Variants in FRMD4B observed in about 807,000 individuals in gnomAD.
FRMD4B encodes the protein FERM domain containing 4B, also known as FERM domain-containing protein 4B.
A neutral mutation model predicts 141.5 loss-of-function variants in FRMD4B; 74 were observed. The observed-to-expected ratio is 0.52, with a 90% CI of 0.43 to 0.63. The LOEUF is 0.63. Ranked by LOEUF, FRMD4B falls within the 30% of genes least tolerant of loss-of-function variation. FRMD4B has a pLI of 0.00. For synonymous variants in FRMD4B, 506 were observed against 467.9 expected (o/e 1.08, Z -1.05); for missense variants, 1,366 against 1,253.4 (o/e 1.09, Z -1.36).
At chr3:69,443,601 G>C (rs933396886) in intron 1 of FRMD4B, among the ~76,000 whole-genome samples, 1 of 152,176 alleles carries the variant, frequency 6.6e-6, no homozygotes, top group Non-Finnish European at 1.5e-5. Context: ...CCCTTAACCT[G>C]TGAGGCCAAA....
intron 2 of FRMD4B, among the ~76,000 whole-genome samples, chr3:69,403,323 T>C (rs116775535): frequency 0.011 from 1,636 of 152,328 alleles, 24 homozygotes; most frequent in African/African-American, 0.037. Context: ...TCTCAACAAC[T>C]CAGAAGTATT....
intron 1 of FRMD4B, among the ~76,000 whole-genome samples, chr3:69,441,873 A>G (rs1705348785): frequency 6.6e-6 from 1 of 152,198 alleles, no homozygotes; most frequent in African/African-American, 2.4e-5. Context: ...AACTGCAGAA[A>G]TACTTACAAA....
At chr3:69,440,665 A>G (rs1191016772) in intron 1 of FRMD4B, among the ~76,000 whole-genome samples, 6 of 152,228 alleles carry the variant, frequency 3.9e-5, no homozygotes, top group Admixed American at 6.5e-5. Flanking sequence ...AAAATTAGCC[A>G]GGTGTGGTGA....
At chr3:69,380,934 C>A (rs1377740094) in intron 1 of FRMD4B, among the ~76,000 whole-genome samples, 1 of 152,182 alleles carries the variant, frequency 6.6e-6, no homozygotes, top group Non-Finnish European at 1.5e-5. Flanking sequence ...ATTCTGTCAT[C>A]ATTTTCCACC....
chr3:69,268,227 G>C (rs1201824352), intron 5 of FRMD4B, among the ~76,000 whole-genome samples: 1 of 151,984 alleles, frequency 6.6e-6, no homozygotes, highest in Non-Finnish European at 1.5e-5. Context: ...AAGTAAGGGA[G>C]TGAGTGTTTA....
intron 7 of FRMD4B, among the ~76,000 whole-genome samples, chr3:69,241,911 A>T (rs1348242315): frequency 6.6e-6 from 1 of 152,014 alleles, no homozygotes; most frequent in Non-Finnish European, 1.5e-5. Context: ...AAACCCCCAA[A>T]AAACAAAAAA....
intron 7 of FRMD4B, chr3:69,228,301 C>G (rs1436862676): frequency 6.6e-6 from 3 of 456,366 alleles, no homozygotes; most frequent in Admixed American, 4.7e-5. Flanking sequence ...CAGAATTTTT[C>G]TCTTATGTCA....
chr3:69,270,538 TCAAC>T (rs2093589232), intron 5 of FRMD4B, among the ~76,000 whole-genome samples: 1 of 151,996 alleles, frequency 6.6e-6, no homozygotes, highest in African/African-American at 2.4e-5. Flanking sequence ...TTTAAGGAGA[TCAAC>T]CAAGCATTTT....
At chr3:69,478,736 C>G (rs1188409712) in intron 1 of FRMD4B, among the ~76,000 whole-genome samples, 4 of 152,092 alleles carry the variant, frequency 2.6e-5, no homozygotes, top group Non-Finnish European at 4.4e-5. Context: ...TGGTGCAGAG[C>G]TGAGTTCAAT....
chr3:69,289,240 A>C (rs899176832), intron 4 of FRMD4B, among the ~76,000 whole-genome samples: 1 of 152,172 alleles, frequency 6.6e-6, no homozygotes, highest in Admixed American at 6.5e-5. Context: ...CAAATTATTT[A>C]GTTTCTTTGT....
At chr3:69,257,161 T>C (rs1005993692) in intron 5 of FRMD4B, among the ~76,000 whole-genome samples, 3 of 152,224 alleles carry the variant, frequency 2.0e-5, no homozygotes, top group African/African-American at 7.2e-5. Flanking sequence ...ATTCTTGGGT[T>C]AGGCTAGAAT....
At chr3:69,412,409 C>G (rs1704774763) in intron 2 of FRMD4B, among the ~76,000 whole-genome samples, 1 of 152,116 alleles carries the variant, frequency 6.6e-6, no homozygotes, top group Admixed American at 6.6e-5. Flanking sequence ...TTTTATTTTA[C>G]TGATTGCTAT....
chr3:69,227,157 C>T (rs575122469), intron 7 of FRMD4B, among the ~76,000 whole-genome samples: 2 of 152,176 alleles, frequency 1.3e-5, no homozygotes, highest in East Asian at 3.9e-4. Flanking sequence ...GAATCTACTC[C>T]AGTTATAAGA....
chr3:69,179,827 T>G (rs1261634930), intron 21 of FRMD4B, among the ~76,000 whole-genome samples: 9 of 152,190 alleles, frequency 5.9e-5, no homozygotes. Context: ...GAGCTCATCG[T>G]GGCCAGGAAC....
At chr3:69,291,908 CTCTTT>C (rs1470451771) in intron 4 of FRMD4B, among the ~76,000 whole-genome samples, 3 of 111,806 alleles carry the variant, frequency 2.7e-5, no homozygotes, top group African/African-American at 3.5e-5. Context: ...CTACAGGAAT[CTCTTT>C]TTTTTTTTTT....
At chr3:69,199,498 A>G (rs4350924) in intron 11 of FRMD4B, among the ~76,000 whole-genome samples, 148,240 of 152,356 alleles carry the variant, frequency 0.97, 72,243 homozygotes, top group East Asian at 1. Flanking sequence ...TCAAAAGAAT[A>G]CAAAGTGAAA....
chr3:69,315,724 A>G (rs1445645812), intron 1 of FRMD4B, among the ~76,000 whole-genome samples: 1 of 152,248 alleles, frequency 6.6e-6, no homozygotes, highest in African/African-American at 2.4e-5. Context: ...TAAGAGAAAC[A>G]GGTTGTTTCC....
At chr3:69,412,082 A>G (rs1489795156) in intron 2 of FRMD4B, among the ~76,000 whole-genome samples, 4 of 152,192 alleles carry the variant, frequency 2.6e-5, no homozygotes, top group African/African-American at 9.7e-5. Flanking sequence ...AAATTTATTA[A>G]TGTGCTCAAA....
rs1019534786 is a variant in FRMD4B at position 69,171,789 on chromosome 3, G to A, written c.*72C>T. 1.1e-5 allele frequency: 17 copies of A among 1,483,960 alleles called. No homozygotes were observed. The highest frequency in any genetic ancestry group is 4.6e-5 in the East Asian group (2 of 43,800). The allele number at this position is 1,483,960 out of a possible 1,614,324, so 91.9% of individuals were successfully genotyped here. ...AGGTTTCTAAAACGAACATCCTCTC[G>A]GAAGACAAATACAATTTGCAAGGCA... On this transcript the variant is annotated 3_prime_UTR_variant, in exon 23 of 23. Transcript: ENST00000398540.
Sources: gnomAD v4.1 joint callset for allele counts (sites outside exome capture counted in the v4.1 genomes callset) on GRCh38, gnomAD v4.1.1 for gene constraint, MANE v1.5 for transcripts, NCBI Gene and HGNC (gene_info 2026-07-23, HGNC 2026-07-21) for gene names.